Variants in EVC observed in about 807,000 individuals in gnomAD.
EVC encodes EvC ciliary complex subunit 1, also known as evC complex member EVC.
In EVC, 116 loss-of-function variants were observed where a neutral mutation model predicts 118.9. The observed-to-expected ratio is 0.98, with a 90% CI of 0.84 to 1.14. EVC has a LOEUF of 1.14. Ranked by LOEUF, EVC falls within the 50% of genes most tolerant of loss-of-function variation. The pLI is 0.00. For synonymous variants in EVC, 619 were observed against 534.7 expected, an observed-to-expected ratio of 1.16 and a Z score of -2.18; for missense variants, 1,401 against 1,246.4, an observed-to-expected ratio of 1.12 and a Z score of -1.87.
chr4:5,757,248 C>T (rs974246171), intron 11 of EVC, among the ~76,000 whole-genome samples: 1 of 152,140 alleles, frequency 6.6e-6, no homozygotes, highest in Non-Finnish European at 1.5e-5. Context: ...AGAGGAGAGG[C>T]AAGGGGCTCC....
chr4:5,824,270 T>C, the EVC span: 14 of 984,926 alleles, frequency 1.4e-5, no homozygotes, highest in Non-Finnish European at 1.7e-5. Context: ...CCTGGTTTGC[T>C]GATTGAGCAT....
At chr4:5,769,488 C>T (rs1046875181) in intron 11 of EVC, among the ~76,000 whole-genome samples, 10 of 152,262 alleles carry the variant, frequency 6.6e-5, no homozygotes, top group Admixed American at 3.9e-4. Context: ...CCCTGTCTCT[C>T]GGCCTCTAAA....
At chr4:5,816,606 C>A (rs972171778), downstream of EVC, among the ~76,000 whole-genome samples, 1 of 143,132 alleles carries the variant, frequency 7.0e-6, no homozygotes, top group Non-Finnish European at 1.5e-5. Context: ...TTTCCTTACC[C>A]CCTCTGTCCT....
At chr4:5,803,000 C>T (rs1367641567) in intron 16 of EVC, among the ~76,000 whole-genome samples, 1 of 152,168 alleles carries the variant, frequency 6.6e-6, no homozygotes, top group Non-Finnish European at 1.5e-5. Context: ...TAGTTAAAGC[C>T]ACCGCAGTGA....
intron 2 of EVC, among the ~76,000 whole-genome samples, chr4:5,726,693 G>A (rs1383378108): frequency 2.7e-5 from 4 of 149,148 alleles, no homozygotes; most frequent in African/African-American, 9.9e-5. Context: ...CTAGCATTAG[G>A]TACATCTCCC....
At chr4:5,827,792 G>A in the EVC span, among the ~76,000 whole-genome samples, 2 of 152,014 alleles carry the variant, frequency 1.3e-5, no homozygotes, top group Admixed American at 6.5e-5. Flanking sequence ...CTGTCTCATG[G>A]GGAAAGCAGC....
At chr4:5,796,998 A>T in intron 13 of EVC, 24 bp from the exon 14 acceptor site, 1 of 1,571,522 alleles carries the variant, frequency 6.4e-7, no homozygotes, top group Middle Eastern at 1.7e-4. Context: ...CATTGACCCC[A>T]CCCCTCACCT....
intron 5 of EVC, among the ~76,000 whole-genome samples, chr4:5,734,485 AAAAC>A (rs74789594): frequency 0.057 from 8,658 of 152,142 alleles, 299 homozygotes; most frequent in East Asian, 0.15. Flanking sequence ...ACCAAAAACA[AAAAC>A]AAACAAACAA....
At chr4:5,750,893 G>A (rs1329171687) in intron 8 of EVC, among the ~76,000 whole-genome samples, 3 of 152,172 alleles carry the variant, frequency 2.0e-5, no homozygotes, top group African/African-American at 4.8e-5. Flanking sequence ...GATGGCTTCC[G>A]TATCTCAGAA....
At chr4:5,711,623 C>A (rs1022819353) in intron 1 of EVC, 69 bp downstream of exon 1, 38 of 1,104,366 alleles carry the variant, frequency 3.4e-5, no homozygotes, top group Admixed American at 1.5e-4. Context: ...TCCTGCGGGC[C>A]CGGAGCCCCG....
At position 5,722,495 on chromosome 4, in the gene EVC, T is replaced by C. The variant is rs547423790; in HGVS notation, c.300+3122T>C. ...GGCCCAGTGGATCGAGCTATAACTT[T>C]CTTGTCCTCTAGTGCACAGAAAACC... On this transcript the variant is annotated intron_variant, in intron 2 of 20. Coordinates refer to ENST00000264956, the MANE Select transcript of EVC (RefSeq NM_153717.3). Among the ~76,000 whole-genome samples, 5 of 152,290 alleles carry C rather than the reference T, an allele frequency of 3.3e-5. No homozygotes were observed. In the South Asian group the frequency reaches 1.0e-3, roughly 32 times the overall value.
At chr4:5,748,507 T>G (rs1191958204) in intron 8 of EVC, among the ~76,000 whole-genome samples, 1 of 150,712 alleles carries the variant, frequency 6.6e-6, no homozygotes, top group African/African-American at 2.4e-5. Context: ...CATCCACCCA[T>G]TGACCCTTCC....
At chr4:5,773,711 G>T (rs1335319976) in intron 11 of EVC, among the ~76,000 whole-genome samples, 2 of 152,026 alleles carry the variant, frequency 1.3e-5, no homozygotes, top group African/African-American at 4.8e-5. Context: ...TTGGCCCATG[G>T]TCATGCTTCT....
At chr4:5,825,459 A>C in the EVC span, 1 of 1,536,302 alleles carries the variant, frequency 6.5e-7, no homozygotes, top group Non-Finnish European at 8.7e-7. The surrounding 1 kb of genome is among the most constrained non-coding windows in gnomAD (Gnocchi z 4.4). Context: ...GAACTGCTGC[A>C]ATTGTGGGGA....
intron 16 of EVC, 29 bp downstream of exon 16, chr4:5,802,123 A>G: frequency 6.2e-7 from 1 of 1,614,024 alleles, no homozygotes; most frequent in Non-Finnish European, 8.5e-7. Context: ...GGGAAGCCCC[A>G]GAAGAGACTG....
chr4:5,810,406 C>A lies in EVC; in HGVS notation c.2850C>A (p.Asn950Lys). Reference sequence around the variant, plus strand: ...AAAGAGGGGACCTGGGGGTGCCCAACAATGAGGACCTTGCCTCCGGGGACC... The same window carrying A: ...AAAGAGGGGACCTGGGGGTGCCCAAAAATGAGGACCTTGCCTCCGGGGACC... ...PQERGDLGVP[N>K]NEDLASGDQT... Residue 950 changes from asparagine (N) to lysine (K), a missense_variant, in exon 20 of 21, where the codon AAC becomes AAA. Coordinates refer to ENST00000264956, the MANE Select transcript of EVC (RefSeq NM_153717.3). 1 of 1,613,728 alleles carries A rather than the reference C, an allele frequency of 6.2e-7. No individual in the cohort carries two copies. The highest frequency in any genetic ancestry group is 8.5e-7 in the Non-Finnish European group (1 of 1,179,944).
chr4:5,814,763 C>G (rs1437070543), downstream of EVC, among the ~76,000 whole-genome samples: 2 of 151,848 alleles, frequency 1.3e-5, no homozygotes, highest in Admixed American at 1.3e-4. Context: ...AAGACCCCTG[C>G]CCCCCTCCCC....
rs1252015013 is a variant in EVC at position 5,789,686 on chromosome 4, A to G, written c.1777-3922A>G. 6.6e-6 allele frequency among the ~76,000 whole-genome samples: 1 copy of G among 152,136 alleles called. No individual in the cohort carries two copies. The highest frequency in any genetic ancestry group is 1.5e-5 in the Non-Finnish European group (1 of 68,026). On this transcript the variant is annotated intron_variant, in intron 12 of 20. Coordinates refer to ENST00000264956, the MANE Select transcript of EVC (RefSeq NM_153717.3). This position sits in a 1 kb window ranked among gnomAD's most constrained non-coding sequence, Gnocchi z 4.3. ...GACCAGCACTCTAGCCCGAGGAAGC[A>G]CCTCTTCTGAATGTAAGCATTTACA...
In EVC at chr4:5,742,035, C is replaced by T. The variant is rs1377449631; in HGVS notation, c.801+221C>T. ...TTATAGCAAAGAGAATAATATTGGT[C>T]ATATCTACTACTCAAAGACGGTCAC... On this transcript the variant is annotated intron_variant, in intron 6 of 20. Transcript: ENST00000264956. The surrounding 1 kb of genome is among the most constrained non-coding windows in gnomAD (Gnocchi z 5.2). Among the ~76,000 whole-genome samples the T allele has an allele frequency of 6.6e-6, 1 of 151,618 alleles. No homozygotes were observed. Among genetic ancestry groups the T allele is most frequent in the Non-Finnish European group, 1.5e-5 (1 of 67,930 alleles).
Sources: gnomAD v4.1 joint callset for allele counts (sites outside exome capture counted in the v4.1 genomes callset) on GRCh38, gnomAD v4.1.1 for gene constraint, Gnocchi (gnomAD v3.1) non-coding constraint, MANE v1.5 for transcripts, NCBI Gene and HGNC (gene_info 2026-07-23, HGNC 2026-07-21) for gene names.